The following CAMK2D variants were observed in gnomAD, a reference collection of about 807,000 sequenced individuals.
CAMK2D encodes the protein calcium/calmodulin dependent protein kinase II delta, also known as calcium/calmodulin-dependent protein kinase type II subunit delta.
CAMK2D carries 37 observed loss-of-function variants against 84.0 expected under a neutral mutation model. That is an observed-to-expected ratio of 0.44 (90% confidence interval 0.34 to 0.58). CAMK2D has a LOEUF of 0.58. Ranked by LOEUF, CAMK2D falls within the 20% of genes least tolerant of loss-of-function variation. The probability of loss-of-function intolerance (pLI) is 0.02; values close to 1 mark genes in which losing one functional copy is unlikely to be tolerated. For missense variants in CAMK2D, 448 were observed against 652.5 expected, an observed-to-expected ratio of 0.69 and a Z score of 3.41; for synonymous variants, 202 against 212.5, an observed-to-expected ratio of 0.95 and a Z score of 0.43.
intron 2 of CAMK2D, chr4:113,754,174 T>A (rs1402540616): frequency 1.1e-6 from 1 of 936,208 alleles, no homozygotes. Flanking sequence ...AATACTATTG[T>A]AACTTAAAAT....
At chr4:113,534,000 G>A (rs1345829497) in intron 7 of CAMK2D, among the ~76,000 whole-genome samples, 1 of 151,630 alleles carries the variant, frequency 6.6e-6, no homozygotes, top group East Asian at 1.9e-4. Context: ...AATGGACCTC[G>A]TATATTTATT....
chr4:113,591,642 A>T (rs6821520), intron 4 of CAMK2D, among the ~76,000 whole-genome samples: 9,419 of 152,248 alleles, frequency 0.062, 348 homozygotes, highest in South Asian at 0.1. Flanking sequence ...GTTGCTTTGG[A>T]AATTGCTCCC....
chr4:113,554,593 C>G (rs2098651575), intron 4 of CAMK2D, among the ~76,000 whole-genome samples: 1 of 152,012 alleles, frequency 6.6e-6, no homozygotes, highest in South Asian at 2.1e-4. Flanking sequence ...TTTATCATTT[C>G]TTCTATATGT....
At chr4:113,547,921 G>A (rs914478475) in intron 5 of CAMK2D, among the ~76,000 whole-genome samples, 1 of 152,114 alleles carries the variant, frequency 6.6e-6, no homozygotes, top group African/African-American at 2.4e-5. Context: ...CCAGAATGTG[G>A]GTCCATTTGT....
intron 8 of CAMK2D, among the ~76,000 whole-genome samples, chr4:113,526,422 G>A (rs888874531): frequency 4.6e-5 from 7 of 151,416 alleles, no homozygotes; most frequent in African/African-American, 7.3e-5. Context: ...TGATGTGTGT[G>A]TGTGTGTGTG....
chr4:113,470,762 T>C (rs1318852447), intron 16 of CAMK2D, among the ~76,000 whole-genome samples: 1 of 152,222 alleles, frequency 6.6e-6, no homozygotes, highest in African/African-American at 2.4e-5. Flanking sequence ...TGTATTTACA[T>C]ATTTATTTGC....
chr4:113,663,590 AAATAATAATAAT>A lies in CAMK2D; in HGVS notation c.161-1830_161-1819del, dbSNP rs10525797. On this transcript the variant is annotated intron_variant, in intron 2 of 20. Coordinates refer to ENST00000511664, the MANE Select transcript of CAMK2D (RefSeq NM_001321571.2). ...GGTGACAGCGGGAGGCTCTGTCTAA[AAATAATAATAAT>A]AATAATAATAATAATAATAAAGTAC... 6.2e-5 allele frequency among the ~76,000 whole-genome samples: 9 copies of A among 146,002 alleles called. 1 individual carries two copies. In the Middle Eastern group the frequency reaches 0.018, roughly 286 times the overall value.
chr4:113,729,773 G>C (rs1398096708), intron 2 of CAMK2D, among the ~76,000 whole-genome samples: 1 of 152,124 alleles, frequency 6.6e-6, no homozygotes, highest in Admixed American at 6.6e-5. Context: ...CCTCTCATGA[G>C]TGGAATTAGT....
At chr4:113,621,834 T>C (rs2099047557) in intron 3 of CAMK2D, among the ~76,000 whole-genome samples, 1 of 152,206 alleles carries the variant, frequency 6.6e-6, no homozygotes, top group Non-Finnish European at 1.5e-5. Flanking sequence ...ATAAAGCATG[T>C]TTCATTTTAC....
intron 9 of CAMK2D, among the ~76,000 whole-genome samples, chr4:113,516,926 A>C (rs1009225780): frequency 1.3e-5 from 2 of 152,170 alleles, no homozygotes; most frequent in African/African-American, 2.4e-5. Flanking sequence ...AAGTTAAGCC[A>C]TAAAGAGAAA....
intron 2 of CAMK2D, among the ~76,000 whole-genome samples, chr4:113,694,720 G>A (rs1462132762): frequency 6.6e-6 from 1 of 152,120 alleles, no homozygotes; most frequent in Non-Finnish European, 1.5e-5. Context: ...TGTCAAAAAT[G>A]TCAAAAGATC....
intron 4 of CAMK2D, among the ~76,000 whole-genome samples, chr4:113,568,273 C>T (rs2098735186): frequency 6.6e-6 from 1 of 152,202 alleles, no homozygotes; most frequent in Non-Finnish European, 1.5e-5. Context: ...ACTCTACTGT[C>T]TTTCCCTATG....
At chr4:113,464,019 T>C (rs2097425955) in intron 17 of CAMK2D, among the ~76,000 whole-genome samples, 1 of 152,204 alleles carries the variant, frequency 6.6e-6, no homozygotes, top group African/African-American at 2.4e-5. Flanking sequence ...TAACAGATTA[T>C]ACAACAAAAT....
At chr4:113,621,559 TG>T (rs1351651574) in intron 3 of CAMK2D, among the ~76,000 whole-genome samples, 1 of 152,198 alleles carries the variant, frequency 6.6e-6, no homozygotes, top group African/African-American at 2.4e-5. Flanking sequence ...TCTAAGCCAA[TG>T]GGATAAATGA....
At chr4:113,712,080 G>A (rs1561984461) in intron 2 of CAMK2D, among the ~76,000 whole-genome samples, 1 of 152,084 alleles carries the variant, frequency 6.6e-6, no homozygotes, top group Non-Finnish European at 1.5e-5. Context: ...CATTCTTTTA[G>A]TGTAAGTCAT....
intron 15 of CAMK2D, among the ~76,000 whole-genome samples, chr4:113,502,140 T>C (rs2098056329): frequency 6.6e-6 from 1 of 152,010 alleles, no homozygotes; most frequent in Non-Finnish European, 1.5e-5. Flanking sequence ...AGAGATATAA[T>C]AATATATGAA....
intron 2 of CAMK2D, among the ~76,000 whole-genome samples, chr4:113,733,803 C>G (rs72901779): frequency 0.039 from 5,852 of 151,990 alleles, 388 homozygotes; most frequent in African/African-American, 0.13. Context: ...AGTAAACTGT[C>G]ATACATGTAA....
intron 2 of CAMK2D, among the ~76,000 whole-genome samples, chr4:113,747,723 G>A (rs1490400354): frequency 6.6e-6 from 1 of 151,988 alleles, no homozygotes; most frequent in African/African-American, 2.4e-5. Flanking sequence ...ATATGAGGTA[G>A]GTAAGAGGTT....
chr4:113,545,764 C>A (rs1351387851), intron 6 of CAMK2D, among the ~76,000 whole-genome samples: 3 of 152,152 alleles, frequency 2.0e-5, no homozygotes, highest in African/African-American at 7.2e-5. Flanking sequence ...AAAATTATAA[C>A]AAGCTCTCTC....
Sources: gnomAD v4.1 joint callset for allele counts (sites outside exome capture counted in the v4.1 genomes callset) on GRCh38, gnomAD v4.1.1 for gene constraint, MANE v1.5 for transcripts, NCBI Gene and HGNC (gene_info 2026-07-23, HGNC 2026-07-21) for gene names.